ATRNL1: variants seen among roughly 807,000 people sequenced by gnomAD.
ATRNL1 encodes the protein attractin like 1.
A neutral mutation model predicts 182.7 loss-of-function variants in ATRNL1; 95 were observed. That is an observed-to-expected ratio of 0.52 (90% confidence interval 0.44 to 0.62). The LOEUF is 0.62. Ranked by LOEUF, ATRNL1 falls within the 20% of genes least tolerant of loss-of-function variation. The pLI, the probability that ATRNL1 is intolerant of heterozygous loss-of-function variation, is 0.00. For missense variants in ATRNL1, 1,471 were observed against 1,679.5 expected, an observed-to-expected ratio of 0.88 and a Z score of 2.17; for synonymous variants, 576 against 568.3, an observed-to-expected ratio of 1.01 and a Z score of -0.19.
chr10:115,113,231 G>C (rs192252648), intron 1 of ATRNL1, among the ~76,000 whole-genome samples: 11 of 152,310 alleles, frequency 7.2e-5, no homozygotes, highest in Admixed American at 1.3e-4. Flanking sequence ...AGTGTTTTGA[G>C]AGTTAGCCAA....
chr10:115,901,577 C>T (rs1249741275), intron 28 of ATRNL1, among the ~76,000 whole-genome samples: 3 of 151,706 alleles, frequency 2.0e-5, no homozygotes, highest in Non-Finnish European at 2.9e-5. Flanking sequence ...TGTCTCATTT[C>T]TCACTGTCCC....
At chr10:115,866,175 C>T (rs1470586619) in intron 28 of ATRNL1, among the ~76,000 whole-genome samples, 2 of 152,144 alleles carry the variant, frequency 1.3e-5, no homozygotes, top group African/African-American at 4.8e-5. Context: ...GATAATTAAG[C>T]ATCTCAAGAC....
At chr10:115,462,538 G>C (rs1847863367) in intron 22 of ATRNL1, among the ~76,000 whole-genome samples, 2 of 152,084 alleles carry the variant, frequency 1.3e-5, no homozygotes, top group South Asian at 4.1e-4. Context: ...CTTGAACCCA[G>C]GAGGTGGAGG....
chr10:115,897,148 C>A lies in ATRNL1; in HGVS notation c.4019-47510C>A, dbSNP rs193092742. On this transcript the variant is annotated intron_variant, in intron 28 of 28. Coordinates refer to ENST00000355044, the MANE Select transcript of ATRNL1 (RefSeq NM_207303.4). Reference sequence around the variant, plus strand: ...ACATACATACATACATACATACATCCCAAAGAAAGAAATAGGAATGGCCTA... The same window carrying A: ...ACATACATACATACATACATACATCACAAAGAAAGAAATAGGAATGGCCTA... Among the ~76,000 whole-genome samples the A allele has an allele frequency of 5.9e-4, 90 of 151,946 alleles. 1 individual carries two copies. In the East Asian group the frequency reaches 0.011, roughly 19 times the overall value.
At chr10:115,484,326 T>C (rs1348128911) in intron 24 of ATRNL1, among the ~76,000 whole-genome samples, 3 of 151,640 alleles carry the variant, frequency 2.0e-5, no homozygotes, top group African/African-American at 4.8e-5. Context: ...ATTTTATATT[T>C]TAATTTTGAG....
intron 27 of ATRNL1, among the ~76,000 whole-genome samples, chr10:115,826,641 C>T (rs142414107): frequency 5.7e-4 from 86 of 152,130 alleles, no homozygotes; most frequent in Admixed American, 4.0e-3. Context: ...CACCGGAGAG[C>T]GAGTAAGGCA....
rs1403495717 is a variant in ATRNL1, at chr10:115,380,038, G to A, written c.3176-14621G>A. 2.0e-5 allele frequency among the ~76,000 whole-genome samples: 3 copies of A among 152,174 alleles called. No individual in the cohort carries two copies. The South Asian group carries it at 6.2e-4, about 32-fold the overall frequency. Reference sequence around the variant, plus strand: ...GTAGAGACGGGGTTTCACCCTGGTAGCCAGGATGGTCTCGATCTGCTGACT... The same window carrying A: ...GTAGAGACGGGGTTTCACCCTGGTAACCAGGATGGTCTCGATCTGCTGACT... On this transcript the variant is annotated intron_variant, in intron 19 of 28. Coordinates refer to ENST00000355044, the MANE Select transcript of ATRNL1 (RefSeq NM_207303.4).
At chr10:115,531,532 T>G (rs1223666479) in intron 25 of ATRNL1, among the ~76,000 whole-genome samples, 2 of 151,012 alleles carry the variant, frequency 1.3e-5, no homozygotes, top group Non-Finnish European at 3.0e-5. Flanking sequence ...ATATTAGTCC[T>G]TTGTCAGATG....
chr10:115,180,651 T>C (rs1358429911), intron 8 of ATRNL1, among the ~76,000 whole-genome samples: 1 of 151,954 alleles, frequency 6.6e-6, no homozygotes, highest in Non-Finnish European at 1.5e-5. Flanking sequence ...ATCAGATTTT[T>C]CAAAAGCAAC....
intron 13 of ATRNL1, among the ~76,000 whole-genome samples, chr10:115,280,355 TAAG>T (rs1440628086): frequency 6.6e-6 from 1 of 152,178 alleles, no homozygotes; most frequent in Non-Finnish European, 1.5e-5. Context: ...GAAATCATAA[TAAG>T]CATGTTATCT....
At chr10:115,190,336 A>G in intron 8 of ATRNL1, among the ~76,000 whole-genome samples, 1 of 152,266 alleles carries the variant, frequency 6.6e-6, no homozygotes, top group East Asian at 1.9e-4. Flanking sequence ...TAGGAACTAC[A>G]AAAATATTAT....
chr10:115,205,571 T>C (rs1848763801), intron 8 of ATRNL1, among the ~76,000 whole-genome samples: 1 of 152,006 alleles, frequency 6.6e-6, no homozygotes, highest in Non-Finnish European at 1.5e-5. Context: ...ATTTGGATTA[T>C]TTGAACATTT....
chr10:115,096,868 C>T (rs1489196872), intron 1 of ATRNL1: 24 of 1,070,462 alleles, frequency 2.2e-5, no homozygotes, highest in Non-Finnish European at 2.8e-5. Flanking sequence ...TGATTTTTCA[C>T]CCAAAGCTAG....
chr10:115,749,362 C>T (rs782813139), intron 27 of ATRNL1, among the ~76,000 whole-genome samples: 1 of 151,782 alleles, frequency 6.6e-6, no homozygotes, highest in Non-Finnish European at 1.5e-5. Context: ...GTTAATCGTA[C>T]TTAGAAATAC....
At chr10:115,095,606 T>C (rs782464307) in intron 1 of ATRNL1, among the ~76,000 whole-genome samples, 2 of 152,160 alleles carry the variant, frequency 1.3e-5, no homozygotes, top group Non-Finnish European at 2.9e-5. Context: ...GTTTTAAAAA[T>C]ACTTTTTAAA....
At position 115,784,316 on chromosome 10, in the gene ATRNL1, C is replaced by T. The variant is rs117459151; in HGVS notation, c.3903+56961C>T. On this transcript the variant is annotated intron_variant, in intron 27 of 28. Transcript: ENST00000355044. ...TGAGTCTTGCCTTCAAATCCATAAA[C>T]GATTGTGGGGGTAATCACATATTAA... Among the ~76,000 whole-genome samples, 72 of 152,170 alleles carry T rather than the reference C, an allele frequency of 4.7e-4. No homozygotes were observed. The East Asian group carries it at 7.0e-3, about 15-fold the overall frequency.
intron 27 of ATRNL1, among the ~76,000 whole-genome samples, chr10:115,800,774 C>G (rs1181913518): frequency 1.3e-5 from 2 of 152,030 alleles, no homozygotes; most frequent in African/African-American, 4.8e-5. Flanking sequence ...TGTGAGGACA[C>G]AGCAAGAAGG....
At chr10:115,940,672 A>ACTCTCTCT (rs144547639) in intron 28 of ATRNL1, among the ~76,000 whole-genome samples, 12 of 128,914 alleles carry the variant, frequency 9.3e-5, no homozygotes, top group African/African-American at 2.2e-4. Flanking sequence ...GACAGAGATT[A>ACTCTCTCT]CTCTCTCTCT....
intron 15 of ATRNL1, among the ~76,000 whole-genome samples, chr10:115,295,931 A>G (rs782735917): frequency 2.8e-4 from 43 of 152,218 alleles, no homozygotes; most frequent in Admixed American, 1.4e-3. Flanking sequence ...GGTACACTCC[A>G]GAGGTGGCTC....
Sources: allele counts gnomAD v4.1 joint callset (sites outside exome capture counted in the v4.1 genomes callset), GRCh38; gene constraint gnomAD v4.1.1; transcripts MANE v1.5; gene names NCBI Gene and HGNC (gene_info 2026-07-23, HGNC 2026-07-21).